The following PPP1R12B variants were observed in gnomAD, a reference collection of about 807,000 sequenced individuals.
PPP1R12B encodes protein phosphatase 1 regulatory subunit 12B.
Under a neutral mutation model 126.1 loss-of-function variants are expected in PPP1R12B, and 76 were observed. That is an observed-to-expected ratio of 0.60 (90% CI 0.50 to 0.73). The LOEUF (loss-of-function observed/expected upper bound fraction) is 0.73. Among genes scored for constraint, PPP1R12B ranks in the 30% least tolerant of loss-of-function variants. The pLI, the probability that PPP1R12B is intolerant of heterozygous loss-of-function variation, is 0.00. For synonymous variants in PPP1R12B, 356 were observed against 434.7 expected, an observed-to-expected ratio of 0.82 and a Z score of 2.25; for missense variants, 1,052 against 1,205.1, an observed-to-expected ratio of 0.87 and a Z score of 1.88.
Position 202,462,979 on chromosome 1 carries a change from C to G in PPP1R12B, c.1850+13808C>G, listed in dbSNP as rs561797994. On this transcript the variant is annotated intron_variant, in intron 13 of 23. Coordinates refer to ENST00000608999, the MANE Select transcript of PPP1R12B (RefSeq NM_002481.4). ...GGCACAGGAAGTTGATCTGGGTGTT[C>G]TGGGGAATTGAGACAAGCCTCTGCC... is the stretch of plus-strand genomic sequence containing the variant. The G allele has an allele frequency of 7.1e-6, 7 of 985,262 alleles. No homozygotes were observed. The African/African-American group carries it at 1.0e-4, about 15-fold the overall frequency. 61.0% of individuals were successfully genotyped at this position (985,262 alleles called of 1,614,324 possible).
At position 202,503,013 on chromosome 1, in the gene PPP1R12B, ATTATAT is replaced by A. The variant is rs1191272750; in HGVS notation, c.2490+6200_2490+6205del. 5 of 152,318 alleles carry A rather than the reference ATTATAT, an allele frequency of 3.3e-5. 1 individual carries two copies. Among genetic ancestry groups the A allele is most frequent in the Admixed American group, 2.6e-4 (4 of 15,296 alleles). The allele number at this position is 152,318 out of a possible 1,614,324, so 9.4% of individuals were successfully genotyped here. On this transcript the variant is annotated intron_variant, in intron 18 of 23. Coordinates refer to ENST00000608999, the MANE Select transcript of PPP1R12B (RefSeq NM_002481.4). ...TAGTTTTGAGCACAAGAGTGACATGATTATATTTATATTTTAAAGGATTACTGCCTG... is the reference window on the plus strand; with the variant it reads ...TAGTTTTGAGCACAAGAGTGACATGATTATATTTTAAAGGATTACTGCCTG...
intron 18 of PPP1R12B, among the ~76,000 whole-genome samples, chr1:202,531,234 T>C (rs1263187663): frequency 2.0e-5 from 3 of 152,232 alleles, no homozygotes; most frequent in African/African-American, 7.2e-5. Flanking sequence ...TATAAAAGCA[T>C]AGAATAGTAA....
chr1:202,417,625 C>G (rs186102242), intron 2 of PPP1R12B, among the ~76,000 whole-genome samples: 1 of 151,948 alleles, frequency 6.6e-6, no homozygotes, highest in African/African-American at 2.4e-5. Context: ...AAATGGCAGT[C>G]GAAACATCTT....
At chr1:202,575,227 C>T in intron 23 of PPP1R12B, 2 of 1,463,232 alleles carry the variant, frequency 1.4e-6, no homozygotes, top group Non-Finnish European at 1.8e-6. Context: ...TGTGCTCATC[C>T]CCTCCATCCG....
chr1:202,577,581 T>G (rs1276935052), intron 23 of PPP1R12B, among the ~76,000 whole-genome samples: 3 of 152,156 alleles, frequency 2.0e-5, no homozygotes, highest in Non-Finnish European at 2.9e-5. Context: ...TTTTTTTTTT[T>G]TAATAGTTCC....
intron 18 of PPP1R12B, among the ~76,000 whole-genome samples, 179 bp downstream of exon 18, chr1:202,497,001 G>A (rs1263968854): frequency 6.6e-6 from 1 of 152,330 alleles, no homozygotes; most frequent in Admixed American, 6.5e-5. Context: ...CTCATGTGGT[G>A]TAACAGTGCC....
intron 23 of PPP1R12B, among the ~76,000 whole-genome samples, chr1:202,571,099 A>T (rs534823125): frequency 1.2e-4 from 18 of 152,296 alleles, no homozygotes; most frequent in African/African-American, 4.3e-4. Flanking sequence ...AAAAACCCAG[A>T]AAGTGGTCAA....
At chr1:202,499,658 T>C (rs1679983524) in intron 18 of PPP1R12B, among the ~76,000 whole-genome samples, 1 of 152,190 alleles carries the variant, frequency 6.6e-6, no homozygotes, top group Non-Finnish European at 1.5e-5. Flanking sequence ...ATATCTATGG[T>C]TTTTCCCCCC....
At chr1:202,371,247 C>A (rs578086050) in intron 1 of PPP1R12B, among the ~76,000 whole-genome samples, 54 of 150,300 alleles carry the variant, frequency 3.6e-4, no homozygotes, top group African/African-American at 1.2e-3. Flanking sequence ...TCTCAAACTC[C>A]TGGGCTCAAG....
At chr1:202,377,128 G>A (rs1661295112) in intron 1 of PPP1R12B, among the ~76,000 whole-genome samples, 1 of 152,144 alleles carries the variant, frequency 6.6e-6, no homozygotes, top group Admixed American at 6.6e-5. Context: ...CATGAAAACA[G>A]TAACAACTAG....
intron 18 of PPP1R12B, among the ~76,000 whole-genome samples, chr1:202,506,975 A>G (rs1680884629): frequency 6.6e-6 from 1 of 152,192 alleles, no homozygotes; most frequent in Admixed American, 6.5e-5. Flanking sequence ...CCCATATCAA[A>G]CAAGTATCCT....
intron 8 of PPP1R12B, among the ~76,000 whole-genome samples, chr1:202,433,817 T>A (rs1670484928): frequency 6.6e-6 from 1 of 152,216 alleles, no homozygotes; most frequent in South Asian, 2.1e-4. Context: ...TCTGTTTATG[T>A]CCCTCTAGCA....
In PPP1R12B at chr1:202,348,956, T is replaced by TGCGGAGCGACGAGGC. The variant is rs764125781; in HGVS notation, c.110_124dup (p.Glu37_Ala41dup). The TGCGGAGCGACGAGGC allele has an allele frequency of 1.9e-6, 3 of 1,602,022 alleles. No individual in the cohort carries two copies. Among genetic ancestry groups the TGCGGAGCGACGAGGC allele is most frequent in the Non-Finnish European group, 2.6e-6 (3 of 1,175,830 alleles). On this transcript the variant is annotated inframe_insertion, in exon 1 of 24. Coordinates refer to ENST00000608999, the MANE Select transcript of PPP1R12B (RefSeq NM_002481.4). Reference sequence around the variant, plus strand: ...GGGGCTCGCTGACAGAGCAGGAGCCTGCGGAGCGACGAGGCGCGGGGCGGC... The same window carrying TGCGGAGCGACGAGGC: ...GGGGCTCGCTGACAGAGCAGGAGCCTGCGGAGCGACGAGGCGCGGAGCGACGAGGCGCGGGGCGGC...
At chr1:202,351,647 A>G (rs1656031453) in intron 1 of PPP1R12B, among the ~76,000 whole-genome samples, 1 of 152,244 alleles carries the variant, frequency 6.6e-6, no homozygotes, top group Non-Finnish European at 1.5e-5. Flanking sequence ...TGTGAAATGG[A>G]GAGTGAGTGG....
intron 13 of PPP1R12B, chr1:202,472,232 C>A: frequency 2.2e-6 from 1 of 461,862 alleles, no homozygotes; most frequent in Non-Finnish European, 3.8e-6. Context: ...CTTTTAATGT[C>A]TATATTTTAT....
intron 23 of PPP1R12B, among the ~76,000 whole-genome samples, chr1:202,580,063 C>G (rs1278242673): frequency 2.0e-5 from 3 of 152,118 alleles, no homozygotes; most frequent in African/African-American, 7.2e-5. Context: ...TTGACCACCA[C>G]CCCCTTTCTG....
intron 20 of PPP1R12B, among the ~76,000 whole-genome samples, chr1:202,563,979 G>C (rs1458071872): frequency 6.6e-6 from 1 of 152,142 alleles, no homozygotes; most frequent in African/African-American, 2.4e-5. Context: ...AGGATTGCTT[G>C]AGCCTGGGAG....
chr1:202,437,781 A>G, intron 9 of PPP1R12B, 40 bp from the exon 10 acceptor site: 2 of 1,536,976 alleles, frequency 1.3e-6, no homozygotes, highest in African/African-American at 2.8e-5. Flanking sequence ...GAATCATCAG[A>G]GCCTTTATTT....
intron 18 of PPP1R12B, among the ~76,000 whole-genome samples, chr1:202,512,338 T>C (rs533841821): frequency 2.0e-5 from 3 of 152,180 alleles, no homozygotes; most frequent in South Asian, 4.1e-4. Flanking sequence ...TGATGGTAGG[T>C]GTGGAGAGAA....
Sources: gnomAD v4.1 joint callset for allele counts (sites outside exome capture counted in the v4.1 genomes callset) on GRCh38, gnomAD v4.1.1 for gene constraint, MANE v1.5 for transcripts, NCBI Gene and HGNC (gene_info 2026-07-23, HGNC 2026-07-21) for gene names.